The following MGAT4C variants were observed in gnomAD, a reference collection of about 807,000 sequenced individuals.
MGAT4C encodes alpha-1,3-mannosyl-glycoprotein 4-beta-N-acetylglucosaminyltransferase C.
MGAT4C carries 19 observed loss-of-function variants against 40.1 expected under a neutral mutation model. The ratio of observed to expected loss-of-function variants is 0.47; its 90% CI spans 0.33 to 0.70. The LOEUF (loss-of-function observed/expected upper bound fraction) is 0.70, where lower values mean the gene tolerates loss of function less well. MGAT4C is among the 30% of genes least tolerant of loss of function. The pLI, the probability that MGAT4C is intolerant of heterozygous loss-of-function variation, is 0.02. For missense variants in MGAT4C, 491 were observed against 563.2 expected, an observed-to-expected ratio of 0.87 and a Z score of 1.30; for synonymous variants, 181 against 187.1, an observed-to-expected ratio of 0.97 and a Z score of 0.27.
intron 2 of MGAT4C, among the ~76,000 whole-genome samples, chr12:86,586,114 C>T (rs1366381861): frequency 4.2e-5 from 5 of 117,982 alleles, no homozygotes; most frequent in Admixed American, 2.0e-4. Flanking sequence ...CCCCACCCCA[C>T]AACAGTCCCC....
At position 85,959,014 on chromosome 12, in the gene MGAT4C, G is replaced by A. The variant is rs935467800; in HGVS notation, c.*20275C>T. On this transcript the variant is annotated 3_prime_UTR_variant, in exon 5 of 5. Coordinates refer to ENST00000611864, the MANE Select transcript of MGAT4C (RefSeq NM_001351288.2). ...ACTTCTGCTATGTTATTAAATCTCT[G>A]GTAACCACTATACAATACAATACAA... The A allele has an allele frequency of 7.4e-6, 1 of 134,942 alleles. No homozygotes were observed. Among genetic ancestry groups the A allele is most frequent in the Admixed American group, 7.7e-5 (1 of 12,988 alleles). The allele number at this position is 134,942 out of a possible 1,614,324, so 8.4% of individuals were successfully genotyped here. A position where few individuals can be genotyped will look rare whatever the true frequency, so the allele number is the denominator to read the frequency against.
chr12:86,765,540 G>T (rs530738028), intron 1 of MGAT4C, among the ~76,000 whole-genome samples: 1 of 152,180 alleles, frequency 6.6e-6, no homozygotes, highest in East Asian at 1.9e-4. Flanking sequence ...CCCTTGAGAA[G>T]AGCAACTCCA....
rs115791820 is a variant in MGAT4C at position 85,957,567 on chromosome 12, A to G, written c.*21722T>C. ...GAAGACAAAAATTGACCTTTATCCT[A>G]CTATCCTCCTTCTAGCTATGGCTGA... is the stretch of plus-strand genomic sequence containing the variant. On this transcript the variant is annotated 3_prime_UTR_variant, in exon 5 of 5. Transcript: ENST00000611864. 1 of 151,064 alleles carries G rather than the reference A, an allele frequency of 6.6e-6. No homozygotes were observed. Among genetic ancestry groups the G allele is most frequent in the African/African-American group, 2.4e-5 (1 of 41,200 alleles). 9.4% of individuals were successfully genotyped at this position (151,064 alleles called of 1,614,324 possible).
intron 1 of MGAT4C, among the ~76,000 whole-genome samples, chr12:86,823,289 G>A (rs1231066490): frequency 6.6e-6 from 1 of 151,026 alleles, no homozygotes; most frequent in Non-Finnish European, 1.5e-5. Context: ...ACAGAAATAA[G>A]TAAAATAGAA....
At position 86,221,345 on chromosome 12, in the gene MGAT4C, T is replaced by C. The variant is rs182462849; in HGVS notation, c.-57+34894A>G. On this transcript the variant is annotated intron_variant, in intron 1 of 4. Coordinates refer to ENST00000611864, the MANE Select transcript of MGAT4C (RefSeq NM_001351288.2). ...GCTACCTCTTGTACATCAAGTGGCCTCACTCTGGTTAAATGACACAAAAAA... is the reference window on the plus strand; with the variant it reads ...GCTACCTCTTGTACATCAAGTGGCCCCACTCTGGTTAAATGACACAAAAAA... Among the ~76,000 whole-genome samples the C allele has an allele frequency of 8.5e-5, 13 of 152,276 alleles. No homozygotes were observed. The East Asian group carries it at 2.3e-3, about 27-fold the overall frequency.
intron 2 of MGAT4C, among the ~76,000 whole-genome samples, chr12:86,614,644 CAA>C (rs200717533): frequency 1.5e-4 from 22 of 147,340 alleles, no homozygotes; most frequent in African/African-American, 5.6e-4. Flanking sequence ...AATATATTTG[CAA>C]AAATATATAT....
intron 2 of MGAT4C, among the ~76,000 whole-genome samples, chr12:86,511,230 C>G (rs1442277869): frequency 6.6e-6 from 1 of 151,974 alleles, no homozygotes; most frequent in African/African-American, 2.4e-5. Flanking sequence ...ACAACCTGCT[C>G]CTGAATGACT....
intron 2 of MGAT4C, among the ~76,000 whole-genome samples, chr12:86,472,095 A>C (rs1226335005): frequency 1.3e-5 from 2 of 152,124 alleles, no homozygotes; most frequent in South Asian, 2.1e-4. Flanking sequence ...AGTTAAGTTA[A>C]TGCTCTAATT....
intron 2 of MGAT4C, among the ~76,000 whole-genome samples, chr12:86,006,284 A>C (rs562626129): frequency 6.6e-6 from 1 of 152,248 alleles, no homozygotes; most frequent in Non-Finnish European, 1.5e-5. Context: ...GCTCAAATCA[A>C]GATGTCTTCT....
intron 1 of MGAT4C, among the ~76,000 whole-genome samples, chr12:86,750,948 C>G (rs541476949): frequency 6.6e-6 from 1 of 151,848 alleles, no homozygotes; most frequent in African/African-American, 2.4e-5. Flanking sequence ...CCAGCATCTA[C>G]GAGAGCTTGT....
At chr12:86,066,797 T>C (rs1894588853) in intron 1 of MGAT4C, among the ~76,000 whole-genome samples, 1 of 152,148 alleles carries the variant, frequency 6.6e-6, no homozygotes, top group Admixed American at 6.5e-5. Context: ...GAGAGAATTG[T>C]TGCAATCTAT....
intron 2 of MGAT4C, among the ~76,000 whole-genome samples, chr12:86,010,735 T>A (rs534868116): frequency 1.4e-4 from 22 of 152,110 alleles, no homozygotes; most frequent in Admixed American, 5.2e-4. Context: ...TGAAAGATAA[T>A]CCCCAGTGTA....
intron 3 of MGAT4C, among the ~76,000 whole-genome samples, chr12:86,363,227 T>C (rs61949472): frequency 0.085 from 12,879 of 152,156 alleles, 763 homozygotes; most frequent in Middle Eastern, 0.22. Context: ...TTAAAATGTA[T>C]GTAGAACATT....
In MGAT4C at chr12:85,962,683, T is replaced by G. The variant is rs2136644867; in HGVS notation, c.*16606A>C. The G allele has an allele frequency of 6.6e-6, 1 of 151,206 alleles. No homozygotes were observed. Among genetic ancestry groups the G allele is most frequent in the East Asian group, 1.9e-4 (1 of 5,162 alleles). The allele number at this position is 151,206 out of a possible 1,614,324, so 9.4% of individuals were successfully genotyped here. On this transcript the variant is annotated 3_prime_UTR_variant, in exon 5 of 5. Coordinates refer to ENST00000611864, the MANE Select transcript of MGAT4C (RefSeq NM_001351288.2). Reference sequence around the variant, plus strand: ...CTGTAAACTTCACCCATAACATTATTAATATATCAGTGCTATCAACTACAT... The same window carrying G: ...CTGTAAACTTCACCCATAACATTATGAATATATCAGTGCTATCAACTACAT...
chr12:86,262,916 T>C (rs1278577601), intron 4 of MGAT4C, among the ~76,000 whole-genome samples: 1 of 152,124 alleles, frequency 6.6e-6, no homozygotes, highest in Non-Finnish European at 1.5e-5. Context: ...GGAATATTTT[T>C]CAACTTTATT....
intron 2 of MGAT4C, among the ~76,000 whole-genome samples, chr12:86,454,385 A>G (rs984847308): frequency 1.9e-4 from 29 of 152,106 alleles, no homozygotes; most frequent in African/African-American, 6.0e-4. Context: ...AAACTGCTAC[A>G]CCTGATTAAT....
intron 3 of MGAT4C, among the ~76,000 whole-genome samples, chr12:86,357,316 T>A (rs1479896860): frequency 6.6e-6 from 1 of 152,048 alleles, no homozygotes; most frequent in East Asian, 1.9e-4. Flanking sequence ...CAAAACCCCA[T>A]CTGTACGTCA....
intron 2 of MGAT4C, among the ~76,000 whole-genome samples, chr12:86,538,264 A>G (rs1453054186): frequency 1.3e-5 from 2 of 152,178 alleles, no homozygotes; most frequent in Non-Finnish European, 2.9e-5. Flanking sequence ...CAGAGTTAAG[A>G]AGAGAGGAAT....
At chr12:86,285,980 C>A (rs1469852104) in intron 4 of MGAT4C, among the ~76,000 whole-genome samples, 1 of 151,922 alleles carries the variant, frequency 6.6e-6, no homozygotes, top group African/African-American at 2.4e-5. Flanking sequence ...AAAAGAAATA[C>A]AACAAACCAG....
Sources: allele counts gnomAD v4.1 joint callset (sites outside exome capture counted in the v4.1 genomes callset), GRCh38; gene constraint gnomAD v4.1.1; transcripts MANE v1.5; gene names NCBI Gene and HGNC (gene_info 2026-07-23, HGNC 2026-07-21).